The following FHIT variants were observed in gnomAD, a reference collection of about 807,000 sequenced individuals.
The protein encoded by FHIT is bis(5'-adenosyl)-triphosphatase.
Under a neutral mutation model 17.9 loss-of-function variants are expected in FHIT, and 19 were observed. That is an observed-to-expected ratio of 1.06 (90% CI 0.74 to 1.56). FHIT has a LOEUF of 1.56. Among genes scored for constraint, FHIT ranks in the 40% most tolerant of loss-of-function variants. FHIT has a pLI of 0.00. For synonymous variants in FHIT, 81 were observed against 69.7 expected (o/e 1.16, Z -0.81); for missense variants, 248 against 189.2 (o/e 1.31, Z -1.82).
At chr3:61,100,601 G>T (rs2035788958) in intron 2 of FHIT, among the ~76,000 whole-genome samples, 1 of 152,152 alleles carries the variant, frequency 6.6e-6, no homozygotes, top group South Asian at 2.1e-4. Flanking sequence ...GGGTCAAATG[G>T]TAATTCTAGT....
chr3:60,262,964 G>A (rs1706379759), intron 5 of FHIT, among the ~76,000 whole-genome samples: 1 of 151,772 alleles, frequency 6.6e-6, no homozygotes. Context: ...TATTTTTAAT[G>A]CAAATACTTA....
chr3:60,054,514 A>G (rs939481552), intron 5 of FHIT, among the ~76,000 whole-genome samples: 2 of 152,222 alleles, frequency 1.3e-5, no homozygotes, highest in African/African-American at 4.8e-5. Context: ...AATGAGCACC[A>G]GGGTTTTCAA....
intron 2 of FHIT, among the ~76,000 whole-genome samples, chr3:61,187,694 C>G (rs530756278): frequency 5.3e-5 from 8 of 152,300 alleles, no homozygotes; most frequent in African/African-American, 1.4e-4. Flanking sequence ...AAGCTCTCCT[C>G]AGCAAATGTA....
intron 2 of FHIT, among the ~76,000 whole-genome samples, chr3:61,095,339 G>A (rs2035605673): frequency 6.6e-6 from 1 of 152,192 alleles, no homozygotes; most frequent in East Asian, 1.9e-4. Flanking sequence ...GGCCCCCTCT[G>A]GGATTTCCAC....
chr3:59,765,907 T>G (rs1283403027), intron 8 of FHIT, among the ~76,000 whole-genome samples: 2 of 152,188 alleles, frequency 1.3e-5, no homozygotes, highest in Non-Finnish European at 2.9e-5. Flanking sequence ...AACAAATGTT[T>G]GATAGTGACA....
At chr3:60,514,936 G>A (rs1457491778) in intron 5 of FHIT, among the ~76,000 whole-genome samples, 1 of 151,826 alleles carries the variant, frequency 6.6e-6, no homozygotes, top group Non-Finnish European at 1.5e-5. Context: ...TCCCTGGTGG[G>A]AAGCCAGGCT....
chr3:60,159,127 G>A (rs1215137449), intron 5 of FHIT, among the ~76,000 whole-genome samples: 1 of 151,898 alleles, frequency 6.6e-6, no homozygotes, highest in African/African-American at 2.4e-5. Flanking sequence ...TATGTTTGAG[G>A]GGAGGGGGTT....
intron 2 of FHIT, among the ~76,000 whole-genome samples, chr3:61,142,572 C>A (rs966998409): frequency 6.6e-6 from 1 of 152,098 alleles, no homozygotes; most frequent in Non-Finnish European, 1.5e-5. Context: ...TAGTGTGCTT[C>A]GCTACCTCAT....
At chr3:60,599,137 C>T (rs979971051) in intron 4 of FHIT, among the ~76,000 whole-genome samples, 1 of 152,178 alleles carries the variant, frequency 6.6e-6, no homozygotes, top group African/African-American at 2.4e-5. Context: ...CCCGCCAGAT[C>T]AGAAACCTGC....
At chr3:61,127,248 TG>T (rs1234755300) in intron 2 of FHIT, among the ~76,000 whole-genome samples, 1 of 152,198 alleles carries the variant, frequency 6.6e-6, no homozygotes, top group East Asian at 1.9e-4. Flanking sequence ...CAAGCCATAG[TG>T]GTGGAGGTGA....
At chr3:59,786,616 A>G (rs13092167) in intron 8 of FHIT, among the ~76,000 whole-genome samples, 39,211 of 152,204 alleles carry the variant, frequency 0.26, 5,454 homozygotes, top group South Asian at 0.44. Flanking sequence ...GCCTGCAAAT[A>G]CAAATGGTTG....
At chr3:59,807,512 ATTTG>A (rs71917383) in intron 8 of FHIT, among the ~76,000 whole-genome samples, 1,586 of 152,292 alleles carry the variant, frequency 0.01, 23 homozygotes, top group African/African-American at 0.036. Flanking sequence ...AGGCTGAATG[ATTTG>A]TTTACCATTC....
chr3:61,005,560 G>T (rs2031390209), intron 3 of FHIT, among the ~76,000 whole-genome samples: 1 of 152,134 alleles, frequency 6.6e-6, no homozygotes. Context: ...CAGACACGAA[G>T]AATTCCTTAA....
intron 2 of FHIT, among the ~76,000 whole-genome samples, chr3:61,059,740 C>T (rs1185009591): frequency 6.6e-6 from 1 of 152,220 alleles, no homozygotes; most frequent in African/African-American, 2.4e-5. Context: ...CTCTGCACTA[C>T]AGGTCCTCAA....
intron 5 of FHIT, among the ~76,000 whole-genome samples, chr3:60,496,866 G>C (rs2034320986): frequency 6.6e-6 from 1 of 152,028 alleles, no homozygotes. Context: ...AAAAGAAACT[G>C]ATTATGTACA....
intron 7 of FHIT, among the ~76,000 whole-genome samples, chr3:59,989,487 A>G (rs771653521): frequency 6.6e-6 from 1 of 152,072 alleles, no homozygotes; most frequent in Non-Finnish European, 1.5e-5. Flanking sequence ...CCATGGGAAG[A>G]CAAGAGGCTT....
intron 4 of FHIT, among the ~76,000 whole-genome samples, chr3:60,789,080 T>TAG (rs1201641945): frequency 6.7e-6 from 1 of 150,100 alleles, no homozygotes; most frequent in Non-Finnish European, 1.5e-5. Flanking sequence ...TATACATATA[T>TAG]AGAGAGAGAG....
At chr3:60,537,999 C>A (rs78089817) in intron 4 of FHIT, among the ~76,000 whole-genome samples, 4,780 of 152,210 alleles carry the variant, frequency 0.031, 114 homozygotes, top group Non-Finnish European at 0.047. Flanking sequence ...CATTTCCTGG[C>A]ACGCAACTCC....
intron 3 of FHIT, among the ~76,000 whole-genome samples, chr3:60,974,672 A>C (rs2107536976): frequency 6.6e-6 from 1 of 152,340 alleles, no homozygotes; most frequent in South Asian, 2.1e-4. Flanking sequence ...CAAGTCTGTC[A>C]ACAAGAGTGA....
Sources: gnomAD v4.1 joint callset for allele counts (sites outside exome capture counted in the v4.1 genomes callset) on GRCh38, gnomAD v4.1.1 for gene constraint, MANE v1.5 for transcripts, NCBI Gene and HGNC (gene_info 2026-07-23, HGNC 2026-07-21) for gene names.